HIPK2: variants seen among roughly 807,000 people sequenced by gnomAD.
The protein encoded by HIPK2 is homeodomain-interacting protein kinase 2.
A neutral mutation model predicts 113.7 loss-of-function variants in HIPK2; 27 were observed. The observed-to-expected ratio is 0.24, with a 90% CI of 0.17 to 0.33. The LOEUF (loss-of-function observed/expected upper bound fraction) is 0.33, where lower values mean the gene tolerates loss of function less well. Among genes scored for constraint, HIPK2 ranks in the 10% least tolerant of loss-of-function variants. HIPK2 has a pLI of 1.00. For synonymous variants in HIPK2, 631 were observed against 642.2 expected (o/e 0.98, Z 0.26); for missense variants, 1,257 against 1,588.0 (o/e 0.79, Z 3.54).
intron 2 of HIPK2, among the ~76,000 whole-genome samples, chr7:139,679,112 G>A (rs940235222): frequency 6.6e-6 from 1 of 152,196 alleles, no homozygotes; most frequent in Admixed American, 6.5e-5. Context: ...TGCAAAGAGA[G>A]ACGATTTGAT....
At chr7:139,633,595 T>C (rs1359901863) in intron 2 of HIPK2, among the ~76,000 whole-genome samples, 1 of 151,724 alleles carries the variant, frequency 6.6e-6, no homozygotes, top group African/African-American at 2.4e-5. Flanking sequence ...GAGGATCACT[T>C]GAGCCCAGGA....
chr7:139,590,945 A>C (rs934451633), intron 12 of HIPK2, among the ~76,000 whole-genome samples: 13 of 152,188 alleles, frequency 8.5e-5, no homozygotes, highest in African/African-American at 3.1e-4. Context: ...CCTGGGCGGA[A>C]GCAATCCTCC....
rs1800612951 is a variant in HIPK2, at chr7:139,631,418, AAAG to A, written c.1228-137_1228-135del. Reference sequence around the variant, plus strand: ...GAAAGAAGTTAACAAAAAAGAGAAAAAAGAAAAAGGGAAAAGAGAAAGGAATAA... The same window carrying A: ...GAAAGAAGTTAACAAAAAAGAGAAAAAAAAAGGGAAAAGAGAAAGGAATAA... On this transcript the variant is annotated intron_variant, in intron 3 of 14. Transcript: ENST00000406875. The surrounding 1 kb of genome is among the most constrained non-coding windows in gnomAD (Gnocchi z 4.9). 6.9e-7 allele frequency: 1 copy of A among 1,439,114 alleles called. No homozygotes were observed. The allele number at this position is 1,439,114 out of a possible 1,614,324, so 89.1% of individuals were successfully genotyped here. A position where few individuals can be genotyped will look rare whatever the true frequency, so the allele number is the denominator to read the frequency against.
chr7:139,718,426 C>T (rs1795311720), intron 1 of HIPK2, among the ~76,000 whole-genome samples: 1 of 152,194 alleles, frequency 6.6e-6, no homozygotes, highest in South Asian at 2.1e-4. Context: ...CAGTAGATGA[C>T]CCAACTTCCA....
At chr7:139,697,447 A>C (rs1166477297) in intron 2 of HIPK2, among the ~76,000 whole-genome samples, 3 of 152,174 alleles carry the variant, frequency 2.0e-5, no homozygotes, top group African/African-American at 7.2e-5. Context: ...ACACAAACAC[A>C]GCTCTCAAAG....
In HIPK2 at chr7:139,614,627, A is replaced by T. The variant is rs1303387673; in HGVS notation, c.1783-134T>A. The T allele has an allele frequency of 5.1e-6, 3 of 590,288 alleles. No individual in the cohort carries two copies. The African/African-American group carries it at 5.8e-5, about 11-fold the overall frequency. The allele number at this position is 590,288 out of a possible 1,614,324, so 36.6% of individuals were successfully genotyped here. A position where few individuals can be genotyped will look rare whatever the true frequency, so the allele number is the denominator to read the frequency against. On this transcript the variant is annotated intron_variant, in intron 7 of 14. Coordinates refer to ENST00000406875, the MANE Select transcript of HIPK2 (RefSeq NM_022740.5). The stretch of plus-strand genomic sequence containing the variant: ...AAACAAACAAAAACTAAGAGCAGAA[A>T]GGCAAAAGCAGAGAGGAGTGGAAAC...
intron 2 of HIPK2, among the ~76,000 whole-genome samples, chr7:139,632,184 G>A (rs1026024041): frequency 3.3e-5 from 5 of 152,170 alleles, no homozygotes; most frequent in African/African-American, 1.2e-4. Context: ...ATGTTGCCTA[G>A]GCTGGAGTGC....
chr7:139,640,507 G>A (rs1350609212), intron 2 of HIPK2, among the ~76,000 whole-genome samples: 1 of 152,206 alleles, frequency 6.6e-6, no homozygotes, highest in East Asian at 1.9e-4. Flanking sequence ...CAGGTATGAA[G>A]ACTAGGTTAA....
rs549159163 is a variant in HIPK2, at chr7:139,611,065, G to A, written c.2112+2137C>T. 1.1e-4 allele frequency among the ~76,000 whole-genome samples: 16 copies of A among 152,282 alleles called. No individual in the cohort carries two copies. The South Asian group carries it at 3.3e-3, about 32-fold the overall frequency. ...CCTTTGCTCAGAGACACTGCTTTGG[G>A]AACTATCTCCAGTGTTCTCCTTACT... is the stretch of plus-strand genomic sequence containing the variant. On this transcript the variant is annotated intron_variant, in intron 9 of 14. Transcript: ENST00000406875.
intron 2 of HIPK2, among the ~76,000 whole-genome samples, chr7:139,695,936 G>GT (rs1474652515): frequency 0.14 from 21,828 of 152,158 alleles, 3,586 homozygotes; most frequent in African/African-American, 0.41. Flanking sequence ...CCTAATAGGT[G>GT]TCCAATAAAT....
At chr7:139,749,964 C>A (rs1796253942) in intron 1 of HIPK2, among the ~76,000 whole-genome samples, 1 of 152,226 alleles carries the variant, frequency 6.6e-6, no homozygotes, top group South Asian at 2.1e-4. Flanking sequence ...CCTCTTCCCA[C>A]ATAACATTCC....
chr7:139,707,112 C>T (rs781176836), intron 2 of HIPK2, among the ~76,000 whole-genome samples: 3 of 152,212 alleles, frequency 2.0e-5, no homozygotes, highest in African/African-American at 4.8e-5. Flanking sequence ...AGAGGTGGGA[C>T]GGAGCCCTGA....
chr7:139,585,376 T>C (rs1798800265), intron 12 of HIPK2, among the ~76,000 whole-genome samples: 1 of 152,216 alleles, frequency 6.6e-6, no homozygotes, highest in African/African-American at 2.4e-5. Flanking sequence ...GGCTGGGGGA[T>C]CTGGGGGGTG....
chr7:139,736,918 C>A (rs992054465), intron 1 of HIPK2, among the ~76,000 whole-genome samples: 2 of 152,186 alleles, frequency 1.3e-5, no homozygotes, highest in African/African-American at 4.8e-5. Context: ...ACAAGCCACA[C>A]AGGCCCAGCG....
At chr7:139,611,185 CAAG>C (rs1028127015) in intron 9 of HIPK2, among the ~76,000 whole-genome samples, 1 of 152,234 alleles carries the variant, frequency 6.6e-6, no homozygotes, top group Middle Eastern at 3.4e-3. Context: ...TGGGTAACAA[CAAG>C]AAGAAGATAT....
intron 2 of HIPK2, among the ~76,000 whole-genome samples, chr7:139,632,127 C>T (rs146003037): frequency 1.6e-4 from 25 of 152,286 alleles, no homozygotes; most frequent in Non-Finnish European, 3.4e-4. Flanking sequence ...AGTTCTGAAA[C>T]GCAGGTCTTC....
intron 13 of HIPK2, among the ~76,000 whole-genome samples, chr7:139,580,618 G>A (rs1165945422): frequency 1.3e-5 from 2 of 152,222 alleles, no homozygotes; most frequent in Non-Finnish European, 2.9e-5. Flanking sequence ...GTCTACACTA[G>A]GTGAGTTGGC....
chr7:139,752,213 C>T (rs1796289778), intron 1 of HIPK2, among the ~76,000 whole-genome samples: 1 of 152,196 alleles, frequency 6.6e-6, no homozygotes, highest in South Asian at 2.1e-4. Context: ...TCCTCAGCCC[C>T]CCACCCCACA....
intron 1 of HIPK2, among the ~76,000 whole-genome samples, chr7:139,767,981 T>C (rs918306575): frequency 6.6e-6 from 1 of 152,160 alleles, no homozygotes; most frequent in African/African-American, 2.4e-5. Flanking sequence ...CCTGGGGCCA[T>C]GAGATTCCCT....
Sources: allele counts gnomAD v4.1 joint callset (sites outside exome capture counted in the v4.1 genomes callset), GRCh38; gene constraint gnomAD v4.1.1; non-coding constraint Gnocchi (gnomAD v3.1); transcripts MANE v1.5; gene names NCBI Gene and HGNC (gene_info 2026-07-23, HGNC 2026-07-21).